The following IFT80 variants were observed in gnomAD, a reference collection of about 807,000 sequenced individuals.
IFT80 encodes the protein intraflagellar transport 80, also known as intraflagellar transport protein 80 homolog.
A neutral mutation model predicts 107.9 loss-of-function variants in IFT80; 79 were observed. The ratio of observed to expected loss-of-function variants is 0.73; its 90% CI spans 0.61 to 0.88. The LOEUF (loss-of-function observed/expected upper bound fraction) is 0.88. Among genes scored for constraint, IFT80 ranks in the 40% least tolerant of loss-of-function variants. The pLI is 0.00. For missense variants in IFT80, 797 were observed against 914.2 expected (o/e 0.87, Z 1.65); for synonymous variants, 299 against 300.9 (o/e 0.99, Z 0.07).
chr3:160,324,892 G>C (rs1271536622), intron 8 of IFT80, among the ~76,000 whole-genome samples: 1 of 151,718 alleles, frequency 6.6e-6, no homozygotes, highest in Non-Finnish European at 1.5e-5. Context: ...CATTGTCTCA[G>C]CCCAAAATCT....
intron 8 of IFT80, among the ~76,000 whole-genome samples, chr3:160,328,476 A>AC (rs1230259385): frequency 6.6e-6 from 1 of 151,566 alleles, no homozygotes; most frequent in Non-Finnish European, 1.5e-5. Flanking sequence ...AAAAAAAAAA[A>AC]AAAAAAAGGT....
At chr3:160,328,884 GAGCAGAAAA>G in intron 8 of IFT80, among the ~76,000 whole-genome samples, 1 of 152,118 alleles carries the variant, frequency 6.6e-6, no homozygotes, top group Non-Finnish European at 1.5e-5. Flanking sequence ...ACAAACACAG[GAGCAGAAAA>G]AGCAGAAAAC....
intron 9 of IFT80, among the ~76,000 whole-genome samples, chr3:160,319,327 TTAAAA>T (rs2108297290): frequency 6.6e-6 from 1 of 152,188 alleles, no homozygotes; most frequent in South Asian, 2.1e-4. Flanking sequence ...TAGGTAATTC[TTAAAA>T]TAAAATTTAA....
chr3:160,300,134 T>A (rs1449570240), intron 12 of IFT80, among the ~76,000 whole-genome samples: 1 of 152,152 alleles, frequency 6.6e-6, no homozygotes, highest in Non-Finnish European at 1.5e-5. Context: ...AACGCTTTAT[T>A]CTCTCACCCT....
At chr3:160,317,198 GA>G (rs1481629361) in intron 9 of IFT80, among the ~76,000 whole-genome samples, 2 of 151,892 alleles carry the variant, frequency 1.3e-5, no homozygotes, top group African/African-American at 4.8e-5. Flanking sequence ...TTGAATTAGT[GA>G]ATAAAATCAT....
At chr3:160,340,600 A>C (rs888887957) in intron 8 of IFT80, among the ~76,000 whole-genome samples, 1 of 152,182 alleles carries the variant, frequency 6.6e-6, no homozygotes, top group African/African-American at 2.4e-5. Flanking sequence ...GGCCACCTGC[A>C]TTCCTCGGCT....
intron 8 of IFT80, among the ~76,000 whole-genome samples, chr3:160,320,527 G>A (rs1718128689): frequency 1.3e-5 from 2 of 150,960 alleles, no homozygotes; most frequent in Non-Finnish European, 3.0e-5. Flanking sequence ...GCATTAAATA[G>A]GACAAAAGAG....
intron 3 of IFT80, among the ~76,000 whole-genome samples, chr3:160,380,004 T>C (rs899734210): frequency 1.1e-4 from 17 of 151,784 alleles, no homozygotes; most frequent in Non-Finnish European, 1.5e-5. Context: ...TGAGGCTGGA[T>C]ACGCTCAATC....
intron 5 of IFT80, among the ~76,000 whole-genome samples, chr3:160,372,925 C>A (rs948602850): frequency 2.0e-5 from 3 of 152,128 alleles, no homozygotes; most frequent in African/African-American, 7.2e-5. Context: ...GCATCACCAT[C>A]CCCTCTCTAA....
rs1165256556 is a variant in IFT80 at position 160,257,926 on chromosome 3, G to A, written c.*599C>T. 6.5e-6 allele frequency: 1 copy of A among 153,672 alleles called. No individual in the cohort carries two copies. Among genetic ancestry groups the A allele is most frequent in the Non-Finnish European group, 1.4e-5 (1 of 69,120 alleles). 9.5% of individuals were successfully genotyped at this position (153,672 alleles called of 1,614,324 possible). Reference sequence around the variant, plus strand: ...GTTTATCCTGAGGTAGTATTTATCAGAATTTCATTCCTTTTTAAAGCTAAA... The same window carrying A: ...GTTTATCCTGAGGTAGTATTTATCAAAATTTCATTCCTTTTTAAAGCTAAA... On this transcript the variant is annotated 3_prime_UTR_variant, in exon 20 of 20. Transcript: ENST00000326448.
intron 8 of IFT80, among the ~76,000 whole-genome samples, chr3:160,324,106 G>A (rs1388383011): frequency 1.3e-5 from 2 of 152,058 alleles, no homozygotes; most frequent in African/African-American, 2.4e-5. Context: ...GAATAGACCA[G>A]CAACAGGATC....
intron 18 of IFT80, 109 bp downstream of exon 18, chr3:160,277,196 TG>T: frequency 1.2e-6 from 1 of 868,358 alleles, no homozygotes; most frequent in Non-Finnish European, 2.0e-6. Flanking sequence ...AATTCTTCTG[TG>T]GTGTTAAGAA....
chr3:160,358,316 C>G (rs1294867556), intron 6 of IFT80, among the ~76,000 whole-genome samples: 3 of 150,862 alleles, frequency 2.0e-5, no homozygotes, highest in African/African-American at 7.3e-5. Context: ...TTCAGCCCCC[C>G]TCAACCATTT....
rs1301713911 is a variant in IFT80, at chr3:160,258,555, T to C, written c.2304A>G (p.Gln768=). The part of the protein sequence containing the change: ...TKEREQSSSS[Q]SSKSIGLKP Reference sequence around the variant, plus strand: ...GCTTTAAACCTATACTCTTGCTGGATTGGCTGCTTGATGATTGCTCTCTTT... The same window carrying C: ...GCTTTAAACCTATACTCTTGCTGGACTGGCTGCTTGATGATTGCTCTCTTT... The change falls in exon 20 of 20, where the codon CAA becomes CAG. Residue 768 remains glutamine (Q), a synonymous_variant. Transcript: ENST00000326448. 1.9e-6 allele frequency: 3 copies of C among 1,613,862 alleles called. No individual in the cohort carries two copies. Among genetic ancestry groups the C allele is most frequent in the East Asian group, 4.5e-5 (2 of 44,840 alleles).
chr3:160,332,403 T>C (rs1719153967), intron 8 of IFT80, among the ~76,000 whole-genome samples: 1 of 152,142 alleles, frequency 6.6e-6, no homozygotes, highest in South Asian at 2.1e-4. Context: ...TGCAGGGTGT[T>C]ACCTAGGTGG....
intron 1 of IFT80, among the ~76,000 whole-genome samples, chr3:160,391,189 A>C (rs1319014751): frequency 6.6e-6 from 1 of 152,196 alleles, no homozygotes; most frequent in African/African-American, 2.4e-5. Context: ...TTGCTGTATA[A>C]CACCACCAGC....
intron 19 of IFT80, among the ~76,000 whole-genome samples, chr3:160,264,117 A>C (rs563185868): frequency 6.7e-6 from 1 of 148,478 alleles, no homozygotes; most frequent in East Asian, 2.1e-4. Context: ...TCAGGATTTT[A>C]TATTTTTTGG....
chr3:160,277,804 A>C, intron 16 of IFT80, 134 bp from the exon 17 acceptor site: 2 of 657,328 alleles, frequency 3.0e-6, no homozygotes, highest in South Asian at 3.8e-5. Context: ...GCATTAAAAA[A>C]AACTAATAAT....
chr3:160,274,067 A>G (rs1470520612), intron 18 of IFT80, among the ~76,000 whole-genome samples: 1 of 152,192 alleles, frequency 6.6e-6, no homozygotes, highest in Non-Finnish European at 1.5e-5. Flanking sequence ...GAAGGGGGGC[A>G]TGCGGGGAAC....
Sources: gnomAD v4.1 joint callset for allele counts (sites outside exome capture counted in the v4.1 genomes callset) on GRCh38, gnomAD v4.1.1 for gene constraint, MANE v1.5 for transcripts, NCBI Gene and HGNC (gene_info 2026-07-23, HGNC 2026-07-21) for gene names.